Variants in PCDHGB1 observed in about 807,000 individuals in gnomAD.
The protein encoded by PCDHGB1 is protocadherin gamma-B1.
A neutral mutation model predicts 56.6 loss-of-function variants in PCDHGB1; 34 were observed. The ratio of observed to expected loss-of-function variants is 0.60; its 90% CI spans 0.46 to 0.80. The LOEUF (loss-of-function observed/expected upper bound fraction) is 0.80, where lower values mean the gene tolerates loss of function less well. PCDHGB1 is among the 30% of genes least tolerant of loss of function. The pLI, the probability that PCDHGB1 is intolerant of heterozygous loss-of-function variation, is 0.00. For missense variants in PCDHGB1, 1,278 were observed against 1,204.6 expected (o/e 1.06, Z -0.90); for synonymous variants, 561 against 505.9 (o/e 1.11, Z -1.46).
At chr5:141,428,223 A>G in intron 1 of PCDHGB1, 1 of 1,169,680 alleles carries the variant, frequency 8.5e-7, no homozygotes. Context: ...TAGTCTTCGC[A>G]GACAGCCTGC....
chr5:141,451,536 G>A (rs1183287437), intron 1 of PCDHGB1, among the ~76,000 whole-genome samples: 1 of 152,202 alleles, frequency 6.6e-6, no homozygotes, highest in Non-Finnish European at 1.5e-5. Context: ...GAGAGTGCCA[G>A]AGAGGGCAAA....
chr5:141,492,880 T>C (rs1204475362), intron 1 of PCDHGB1, among the ~76,000 whole-genome samples: 2 of 152,184 alleles, frequency 1.3e-5, no homozygotes, highest in African/African-American at 4.8e-5. Context: ...CCCCCAGAGA[T>C]ACAGGCTTTT....
intron 1 of PCDHGB1, chr5:141,361,323 T>G (rs1451101263): frequency 6.2e-7 from 1 of 1,613,880 alleles, no homozygotes; most frequent in Non-Finnish European, 8.5e-7. Context: ...TTTTGAAATC[T>G]TCCTCAAAGA....
chr5:141,433,140 C>T (rs1394486228), intron 1 of PCDHGB1: 4 of 1,613,948 alleles, frequency 2.5e-6, no homozygotes, highest in African/African-American at 1.3e-5. Flanking sequence ...CTTTTGCTGT[C>T]AGGTGATTCG....
In PCDHGB1 at chr5:141,431,628, A is replaced by C. The variant is rs1204083567; in HGVS notation, c.2410-63179A>C. Reference sequence around the variant, plus strand: ...CGGTATGTGGACGACAAGGCGGCCCAAGTTTTCAAACTAGATTGTAATTCA... The same window carrying C: ...CGGTATGTGGACGACAAGGCGGCCCCAGTTTTCAAACTAGATTGTAATTCA... On this transcript the variant is annotated intron_variant, in intron 1 of 3. Coordinates refer to ENST00000523390, the MANE Select transcript of PCDHGB1 (RefSeq NM_018922.3). The surrounding 1 kb of genome is among the most constrained non-coding windows in gnomAD (Gnocchi z 4.8). 1 of 1,614,256 alleles carries C rather than the reference A, an allele frequency of 6.2e-7. No individual in the cohort carries two copies. The highest frequency in any genetic ancestry group is 8.5e-7 in the Non-Finnish European group (1 of 1,180,050).
At chr5:141,482,089 C>CA (rs36035257) in intron 1 of PCDHGB1, among the ~76,000 whole-genome samples, 13,509 of 134,292 alleles carry the variant, frequency 0.1, 910 homozygotes, top group African/African-American at 0.2. Context: ...CACTCCATCT[C>CA]AAAAAAAAAA....
chr5:141,447,851 C>T (rs961725006), intron 1 of PCDHGB1, among the ~76,000 whole-genome samples: 1 of 151,980 alleles, frequency 6.6e-6, no homozygotes, highest in East Asian at 1.9e-4. Flanking sequence ...TTTGGGAGGC[C>T]GAGGTGGGTG....
Position 141,490,672 on chromosome 5 carries a change from G to A in PCDHGB1, c.2410-4135G>A. ...GGGCTCCCTTCTTTGCACTGTGGCT[G>A]CCTCAGATCCAGACACTGGGGATAA... is the stretch of plus-strand genomic sequence containing the variant. On this transcript the variant is annotated intron_variant, in intron 1 of 3. Transcript: ENST00000523390. This position sits in a 1 kb window ranked among gnomAD's most constrained non-coding sequence, Gnocchi z 5.4. 1.2e-6 allele frequency: 2 copies of A among 1,614,114 alleles called. No homozygotes were observed. Among genetic ancestry groups the A allele is most frequent in the Non-Finnish European group, 1.7e-6 (2 of 1,179,996 alleles).
intron 2 of PCDHGB1, among the ~76,000 whole-genome samples, chr5:141,496,116 C>G (rs1435887981): frequency 6.6e-6 from 1 of 152,178 alleles, no homozygotes; most frequent in Middle Eastern, 3.4e-3. Flanking sequence ...TCTCTTCCTT[C>G]CCTGCCCCTC....
At chr5:141,361,035 A>T in intron 1 of PCDHGB1, 1 of 1,613,478 alleles carries the variant, frequency 6.2e-7, no homozygotes, top group South Asian at 1.1e-5. Context: ...AAACAGGAGA[A>T]ATCACGACAA....
Position 141,351,750 on chromosome 5 carries a change from T to A in PCDHGB1, c.1490T>A (p.Leu497Gln). The A allele has an allele frequency of 6.2e-7, 1 of 1,613,678 alleles. No homozygotes were observed. Among genetic ancestry groups the A allele is most frequent in the South Asian group, 1.1e-5 (1 of 91,088 alleles). The change falls in exon 1 of 4, where the codon CTG becomes CAG. Residue 497 changes from leucine (L) to glutamine (Q), a missense_variant. Leu to Gln is a moderately radical substitution (Grantham distance 113, BLOSUM62 -2). Coordinates refer to ENST00000523390, the MANE Select transcript of PCDHGB1 (RefSeq NM_018922.3). ...GCCAGTGACCTGGAGCCGCGGGAGC[T>A]GTTGTCCTACGTGTCCGTGAGCCCG... ...ILASDLEPRE[L>Q]LSYVSVSPQS...
At chr5:141,388,965 G>A in intron 1 of PCDHGB1, 2 of 1,613,978 alleles carry the variant, frequency 1.2e-6, no homozygotes, top group Non-Finnish European at 1.7e-6. Flanking sequence ...CGCCGAGCTG[G>A]GAACACATAT....
At chr5:141,420,527 G>T (rs368419425) in intron 1 of PCDHGB1, 3 of 349,150 alleles carry the variant, frequency 8.6e-6, no homozygotes, top group Non-Finnish European at 1.5e-5. Flanking sequence ...ATACCTTTCG[G>T]TTAAAAATAT....
chr5:141,485,260 G>C lies in PCDHGB1; in HGVS notation c.2410-9547G>C. ...TTTACCACCTGGGTTACGTTTGTGG[G>C]CAGATCCGCTACCCGGTCCCAGAGG... is the stretch of plus-strand genomic sequence containing the variant. On this transcript the variant is annotated intron_variant, in intron 1 of 3. Transcript: ENST00000523390. The surrounding 1 kb of genome is among the most constrained non-coding windows in gnomAD (Gnocchi z 5.7). 1 of 1,614,122 alleles carries C rather than the reference G, an allele frequency of 6.2e-7. No homozygotes were observed. The highest frequency in any genetic ancestry group is 8.5e-7 in the Non-Finnish European group (1 of 1,179,966).
intron 1 of PCDHGB1, among the ~76,000 whole-genome samples, chr5:141,406,174 G>A (rs990967391): frequency 2.6e-5 from 4 of 151,264 alleles, no homozygotes; most frequent in African/African-American, 9.7e-5. Flanking sequence ...CTGGGCTTAT[G>A]CAATCCTCCC....
chr5:141,374,975 A>G (rs770625909), intron 1 of PCDHGB1: 2 of 1,613,964 alleles, frequency 1.2e-6, no homozygotes, highest in Non-Finnish European at 8.5e-7. Context: ...GAATGTTTTG[A>G]CTGGAGAAAT....
intron 1 of PCDHGB1, among the ~76,000 whole-genome samples, chr5:141,483,997 T>G (rs2099590025): frequency 8.6e-5 from 6 of 69,516 alleles, no homozygotes; most frequent in East Asian, 4.4e-4. Context: ...TGCTGGGAGG[T>G]CTGGATGAGG....
At chr5:141,364,180 C>G (rs1476637020) in intron 1 of PCDHGB1, 2 of 899,976 alleles carry the variant, frequency 2.2e-6, no homozygotes, top group African/African-American at 3.4e-5. Context: ...TCTGCTCCCT[C>G]CATACTAAAC....
chr5:141,419,494 T>A, intron 1 of PCDHGB1: 1 of 1,612,380 alleles, frequency 6.2e-7, no homozygotes, highest in Non-Finnish European at 8.5e-7. Context: ...TCAGCGCCAA[T>A]GTGAGCCTGC....
Sources: allele counts gnomAD v4.1 joint callset (sites outside exome capture counted in the v4.1 genomes callset), GRCh38; gene constraint gnomAD v4.1.1; non-coding constraint Gnocchi (gnomAD v3.1); transcripts MANE v1.5; gene names NCBI Gene and HGNC (gene_info 2026-07-23, HGNC 2026-07-21).